The following CASZ1 variants were observed in gnomAD, a reference collection of about 807,000 sequenced individuals.
The protein encoded by CASZ1 is castor zinc finger 1, also known as zinc finger protein castor homolog 1.
CASZ1 carries 28 observed loss-of-function variants against 135.2 expected under a neutral mutation model. That is an observed-to-expected ratio of 0.21 (90% confidence interval 0.15 to 0.28). CASZ1 has a LOEUF of 0.28. Ranked by LOEUF, CASZ1 falls within the 10% of genes least tolerant of loss-of-function variation. The pLI is 1.00. For missense variants in CASZ1, 2,161 were observed against 2,453.3 expected, an observed-to-expected ratio of 0.88 and a Z score of 2.52; for synonymous variants, 1,068 against 1,073.4, an observed-to-expected ratio of 0.99 and a Z score of 0.10.
intron 4 of CASZ1, among the ~76,000 whole-genome samples, chr1:10,689,953 G>A (rs558189784): frequency 6.6e-6 from 1 of 152,290 alleles, no homozygotes; most frequent in African/African-American, 2.4e-5. Context: ...ATTCTGTCCC[G>A]GGCTCTGACA....
At chr1:10,690,627 G>A (rs760786073) in intron 4 of CASZ1, among the ~76,000 whole-genome samples, 45 of 152,202 alleles carry the variant, frequency 3.0e-4, no homozygotes, top group African/African-American at 9.4e-4. Context: ...CCGCCTCGAC[G>A]ACAAGGCTGC....
At chr1:10,729,166 G>C (rs971473297) in intron 2 of CASZ1, among the ~76,000 whole-genome samples, 1 of 152,168 alleles carries the variant, frequency 6.6e-6, no homozygotes, top group South Asian at 2.1e-4. Context: ...CCAGGCCCTC[G>C]GCGTTGAAGG....
chr1:10,680,104 C>A (rs1638362840), intron 4 of CASZ1, among the ~76,000 whole-genome samples: 1 of 152,130 alleles, frequency 6.6e-6, no homozygotes, highest in Non-Finnish European at 1.5e-5. Context: ...TTTATGCCGC[C>A]TGGCTTCCTT....
At chr1:10,728,871 C>T (rs1476970841) in intron 2 of CASZ1, among the ~76,000 whole-genome samples, 6 of 152,264 alleles carry the variant, frequency 3.9e-5, no homozygotes, top group East Asian at 1.9e-4. Context: ...CTCGCTGGGC[C>T]GGGCCCAGCA....
Position 10,706,598 on chromosome 1 carries a change from G to T in CASZ1, c.-76-1054C>A, listed in dbSNP as rs1385396497. ...GGAATGCCACCCAGTCCCACCGCCC[G>T]CTCTCCGGTTCCCAGGACATATTTA... On this transcript the variant is annotated intron_variant, in intron 2 of 20. Coordinates refer to ENST00000377022, the MANE Select transcript of CASZ1 (RefSeq NM_001079843.3). This position sits in a 1 kb window ranked among gnomAD's most constrained non-coding sequence, Gnocchi z 4.3. 1.3e-5 allele frequency among the ~76,000 whole-genome samples: 2 copies of T among 152,206 alleles called. No individual in the cohort carries two copies. The highest frequency in any genetic ancestry group is 4.8e-5 in the African/African-American group (2 of 41,462).
chr1:10,744,757 G>A (rs986349411), intron 2 of CASZ1, among the ~76,000 whole-genome samples: 1 of 152,142 alleles, frequency 6.6e-6, no homozygotes, highest in Non-Finnish European at 1.5e-5. Context: ...TCCCAGATGG[G>A]CGGGCAAGGA....
chr1:10,786,178 A>C (rs998968754), intron 1 of CASZ1, among the ~76,000 whole-genome samples: 18 of 150,352 alleles, frequency 1.2e-4, no homozygotes, highest in Admixed American at 7.3e-4. Flanking sequence ...CCCTCACCCC[A>C]CCCCACCCTG....
At chr1:10,687,349 GCCC>G (rs1339255024) in intron 4 of CASZ1, among the ~76,000 whole-genome samples, 1 of 152,242 alleles carries the variant, frequency 6.6e-6, no homozygotes, top group Non-Finnish European at 1.5e-5. Flanking sequence ...TCAAGAGACA[GCCC>G]TCTTGGCTTT....
At chr1:10,640,128 A>C (rs1642152661) in intron 20 of CASZ1, 69 bp from the exon 21 acceptor site, 3 of 1,529,642 alleles carry the variant, frequency 2.0e-6, no homozygotes, top group Non-Finnish European at 2.6e-6. Context: ...GGTTACACCC[A>C]CATGGGACCC....
In CASZ1 at chr1:10,699,080, T is replaced by C. The variant is rs968154966; in HGVS notation, c.-23-5168A>G. Among the ~76,000 whole-genome samples, 1 of 152,056 alleles carries C rather than the reference T, an allele frequency of 6.6e-6. No individual in the cohort carries two copies. ...GGGGTGGACAGGTATCACACATGGC[T>C]CCATGGCCCAGAGGCTGCTTGCTCC... is the stretch of plus-strand genomic sequence containing the variant. On this transcript the variant is annotated intron_variant, in intron 3 of 20. Transcript: ENST00000377022. This position sits in a 1 kb window ranked among gnomAD's most constrained non-coding sequence, Gnocchi z 4.6.
chr1:10,745,248 T>C (rs1471611672), intron 2 of CASZ1, among the ~76,000 whole-genome samples: 2 of 152,112 alleles, frequency 1.3e-5, no homozygotes, highest in African/African-American at 4.8e-5. Context: ...CGGGTGGCCT[T>C]AATTAGGTCT....
intron 3 of CASZ1, among the ~76,000 whole-genome samples, chr1:10,702,987 C>T (rs755406069): frequency 3.4e-5 from 4 of 117,814 alleles, no homozygotes; most frequent in East Asian, 3.2e-4. Flanking sequence ...AGAGAGAGAG[C>T]GCCATGGAGT....
In CASZ1 at chr1:10,739,292, G is replaced by T. The variant is rs1639867828; in HGVS notation, c.-77+21409C>A. 6.6e-6 allele frequency among the ~76,000 whole-genome samples: 1 copy of T among 152,106 alleles called. No homozygotes were observed. Among genetic ancestry groups the T allele is most frequent in the African/African-American group, 2.4e-5 (1 of 41,418 alleles). On this transcript the variant is annotated intron_variant, in intron 2 of 20. Transcript: ENST00000377022. This position sits in a 1 kb window ranked among gnomAD's most constrained non-coding sequence, Gnocchi z 4.8. Reference sequence around the variant, plus strand: ...GGGGTCACCCCTGCTGTCTCTCTGGGTAGGGGTGCAGGTGAAGCTCACATG... The same window carrying T: ...GGGGTCACCCCTGCTGTCTCTCTGGTTAGGGGTGCAGGTGAAGCTCACATG...
At position 10,657,994 on chromosome 1, in the gene CASZ1, CTCTT is replaced by C. The variant is rs374609815; in HGVS notation, c.1409+510_1409+513del. ...ACACCTTCTCTCTCGCTTTCTCTCTCTCTTTTTTTTTTTTTTTTTAAAGAGATAG... is the reference window on the plus strand; with the variant it reads ...ACACCTTCTCTCTCGCTTTCTCTCTCTTTTTTTTTTTTTTTAAAGAGATAG... On this transcript the variant is annotated intron_variant, in intron 7 of 20. Transcript: ENST00000377022. The surrounding 1 kb of genome is among the most constrained non-coding windows in gnomAD (Gnocchi z 5.7). 3,622 of 144,016 alleles carry C rather than the reference CTCTT, an allele frequency of 0.025. 71 individuals are homozygous for C. Among genetic ancestry groups the C allele is most frequent in the Non-Finnish European group, 0.034 (2,265 of 66,938 alleles). 8.9% of individuals were successfully genotyped at this position (144,016 alleles called of 1,614,324 possible).
chr1:10,729,721 G>A (rs1162177770), intron 2 of CASZ1, among the ~76,000 whole-genome samples: 2 of 152,266 alleles, frequency 1.3e-5, no homozygotes, highest in Non-Finnish European at 2.9e-5. Flanking sequence ...CGGAACTGCC[G>A]GCGTCCCGGC....
chr1:10,679,051 C>T lies in CASZ1; in HGVS notation c.17-13480G>A, dbSNP rs903947521. Reference sequence around the variant, plus strand: ...GCTCTCTGGCTATCTCTGGCCTATGCGTGTCCCCTCACTCTCCTCCATCAC... The same window carrying T: ...GCTCTCTGGCTATCTCTGGCCTATGTGTGTCCCCTCACTCTCCTCCATCAC... On this transcript the variant is annotated intron_variant, in intron 4 of 20. Transcript: ENST00000377022. The surrounding 1 kb of genome is among the most constrained non-coding windows in gnomAD (Gnocchi z 4.7). 6.6e-6 allele frequency among the ~76,000 whole-genome samples: 1 copy of T among 152,184 alleles called. No homozygotes were observed.
At position 10,642,773 on chromosome 1, in the gene CASZ1, G is replaced by A. The variant is rs892743548; in HGVS notation, c.4162+86C>T. On this transcript the variant is annotated intron_variant, in intron 20 of 20. Transcript: ENST00000377022. Reference sequence around the variant, plus strand: ...GTCCTCCTCGGAGGCCGCGTGCCCCGGACCTTCTGTCCCAAGCTGCACCCA... The same window carrying A: ...GTCCTCCTCGGAGGCCGCGTGCCCCAGACCTTCTGTCCCAAGCTGCACCCA... 13 of 1,484,510 alleles carry A rather than the reference G, an allele frequency of 8.8e-6. No homozygotes were observed. The Admixed American group carries it at 1.2e-4, about 13-fold the overall frequency. 92.0% of individuals were successfully genotyped at this position (1,484,510 alleles called of 1,614,324 possible).
At position 10,745,115 on chromosome 1, in the gene CASZ1, T is replaced by C. The variant is rs754571168; in HGVS notation, c.-77+15586A>G. On this transcript the variant is annotated intron_variant, in intron 2 of 20. Transcript: ENST00000377022. Reference sequence around the variant, plus strand: ...GACAAAGAAGATCCCACAGGGCTCCTAAGTGGGACTGGGAGGACCGATCCC... The same window carrying C: ...GACAAAGAAGATCCCACAGGGCTCCCAAGTGGGACTGGGAGGACCGATCCC... 5.3e-5 allele frequency among the ~76,000 whole-genome samples: 8 copies of C among 152,170 alleles called. No individual in the cohort carries two copies. The East Asian group carries it at 1.5e-3, about 29-fold the overall frequency.
rs1640405904 is a variant in CASZ1 at position 10,762,931 on chromosome 1, A to G, written c.-233-2074T>C. Among the ~76,000 whole-genome samples, 1 of 152,202 alleles carries G rather than the reference A, an allele frequency of 6.6e-6. No individual in the cohort carries two copies. Among genetic ancestry groups the G allele is most frequent in the Admixed American group, 6.5e-5 (1 of 15,276 alleles). ...ACGCTCGTTGGGCTTCTTCCAGCGG[A>G]AAGTGGGGCCTGCCCAGGGCAGAGG... On this transcript the variant is annotated intron_variant, in intron 1 of 20. Transcript: ENST00000377022. The surrounding 1 kb of genome is among the most constrained non-coding windows in gnomAD (Gnocchi z 4.1).
Sources: allele counts gnomAD v4.1 joint callset (sites outside exome capture counted in the v4.1 genomes callset), GRCh38; gene constraint gnomAD v4.1.1; non-coding constraint Gnocchi (gnomAD v3.1); transcripts MANE v1.5; gene names NCBI Gene and HGNC (gene_info 2026-07-23, HGNC 2026-07-21).